Variants in BCCIP observed in about 807,000 individuals in gnomAD.
BCCIP encodes BRCA2 and CDKN1A-interacting protein.
BCCIP carries 23 observed loss-of-function variants against 32.8 expected under a neutral mutation model. The observed-to-expected ratio is 0.70, with a 90% CI of 0.51 to 0.99. BCCIP has a LOEUF of 0.99. Ranked by LOEUF, BCCIP falls within the 50% of genes least tolerant of loss-of-function variation. BCCIP has a pLI of 0.00. For synonymous variants in BCCIP, 144 were observed against 137.6 expected (o/e 1.05, Z -0.33); for missense variants, 378 against 379.8 (o/e 1.00, Z 0.04).
chr10:125,826,427 T>C (rs1357501584), intron 1 of BCCIP, 164 bp from the exon 2 acceptor site: 1 of 1,052,200 alleles, frequency 9.5e-7, no homozygotes, highest in African/African-American at 1.6e-5. Context: ...TTAAACTAGG[T>C]TACTCTGAGT....
chr10:125,829,019 T>G (rs1391391084), intron 3 of BCCIP, among the ~76,000 whole-genome samples: 1 of 152,178 alleles, frequency 6.6e-6, no homozygotes, highest in Admixed American at 6.5e-5. Flanking sequence ...AGTGATATAG[T>G]GCCATTTCCA....
chr10:125,826,258 A>T (rs1854386646), intron 1 of BCCIP: 2 of 292,124 alleles, frequency 6.8e-6, no homozygotes, highest in Non-Finnish European at 6.4e-6. Context: ...TTGCTAAGCA[A>T]ATGTAGTGTA....
Position 125,836,546 on chromosome 10 carries a change from A to G in BCCIP, c.*272A>G. ...ATAAAAACTTCTATTTTTTATTTTA[A>G]AATAATATACACAGTGTTATTTTCT... On this transcript the variant is annotated 3_prime_UTR_variant, in exon 7 of 7. Coordinates refer to ENST00000278100, the MANE Select transcript of BCCIP (RefSeq NM_078468.3). 3 of 1,333,478 alleles carry G rather than the reference A, an allele frequency of 2.2e-6. No individual in the cohort carries two copies. Among genetic ancestry groups the G allele is most frequent in the Non-Finnish European group, 3.0e-6 (3 of 1,015,946 alleles). 82.6% of individuals were successfully genotyped at this position (1,333,478 alleles called of 1,614,324 possible). A position where few individuals can be genotyped will look rare whatever the true frequency, so the allele number is the denominator to read the frequency against.
chr10:125,828,935 A>G (rs1854465436), intron 3 of BCCIP, among the ~76,000 whole-genome samples: 1 of 152,174 alleles, frequency 6.6e-6, no homozygotes, highest in South Asian at 2.1e-4. Context: ...CAGGGGCCTT[A>G]GTTCTTCTCC....
chr10:125,851,239 C>G (rs1305921017), intron 7 of BCCIP, among the ~76,000 whole-genome samples: 1 of 152,150 alleles, frequency 6.6e-6, no homozygotes, highest in Non-Finnish European at 1.5e-5. Flanking sequence ...AACAATGAGT[C>G]AGAATTAATC....
chr10:125,832,670 T>C (rs943814057), intron 5 of BCCIP, among the ~76,000 whole-genome samples: 2 of 152,130 alleles, frequency 1.3e-5, no homozygotes, highest in African/African-American at 4.8e-5. Flanking sequence ...GGTGCACGCC[T>C]GTAGTCGCAG....
intron 3 of BCCIP, among the ~76,000 whole-genome samples, chr10:125,829,030 C>T (rs1190841072): frequency 6.6e-6 from 1 of 152,176 alleles, no homozygotes; most frequent in East Asian, 1.9e-4. Context: ...GCCATTTCCA[C>T]CATTTGCTTA....
chr10:125,831,363 T>C, intron 4 of BCCIP, 57 bp from the exon 5 acceptor site: 1 of 1,540,428 alleles, frequency 6.5e-7, no homozygotes, highest in South Asian at 1.2e-5. Flanking sequence ...TACTCTCAGG[T>C]TTTGTCCTCT....
At chr10:125,834,780 C>T (rs1364800579) in intron 6 of BCCIP, among the ~76,000 whole-genome samples, 3 of 150,832 alleles carry the variant, frequency 2.0e-5, no homozygotes, top group Non-Finnish European at 4.4e-5. Flanking sequence ...CACTGCACTC[C>T]AGCCTGAGCA....
exon 7 of BCCIP, chr10:125,842,779 CAAATAAAG>C: frequency 1.1e-6 from 1 of 940,726 alleles, no homozygotes; most frequent in Non-Finnish European, 1.3e-6. Context: ...TTTCCCAGTG[CAAATAAAG>C]AAATAAAGAT....
At chr10:125,831,697 A>G (rs1335143750) in intron 5 of BCCIP, 90 bp downstream of exon 5, 2 of 1,306,888 alleles carry the variant, frequency 1.5e-6, no homozygotes, top group Non-Finnish European at 1.1e-6. Flanking sequence ...GTAGATATAG[A>G]AAGAGTTCTG....
chr10:125,823,914 C>G (rs757680758), intron 1 of BCCIP, among the ~76,000 whole-genome samples, 192 bp downstream of exon 1: 9 of 152,190 alleles, frequency 5.9e-5, no homozygotes, highest in African/African-American at 2.2e-4. Context: ...TTTTAAAGGT[C>G]TAGTCCGGTC....
At chr10:125,850,207 C>A (rs1312587964) in intron 7 of BCCIP, among the ~76,000 whole-genome samples, 1 of 151,650 alleles carries the variant, frequency 6.6e-6, no homozygotes, top group African/African-American at 2.4e-5. Flanking sequence ...GAATTCCTGG[C>A]CCTCAAGCAG....
chr10:125,845,345 A>G (rs1448832178), downstream of BCCIP, among the ~76,000 whole-genome samples: 1 of 152,242 alleles, frequency 6.6e-6, no homozygotes. Context: ...TAATCTGGCA[A>G]AAATGGCTCA....
exon 7 of BCCIP, chr10:125,842,374 C>T (rs1213480969): frequency 4.5e-5 from 7 of 154,968 alleles, no homozygotes; most frequent in African/African-American, 1.7e-4. Flanking sequence ...TAAGGAACCA[C>T]CTCAGGCCAG....
At position 125,830,662 on chromosome 10, in the gene BCCIP, C is replaced by T; in HGVS notation, c.411+11C>T. On this transcript the variant is annotated intron_variant, in intron 4 of 6. Transcript: ENST00000278100. Reference sequence around the variant, plus strand: ...TTAACTGAAAGAAAGGTTGGTTTCACTGGATGGCATCTGAATGGTTATTTC... The same window carrying T: ...TTAACTGAAAGAAAGGTTGGTTTCATTGGATGGCATCTGAATGGTTATTTC... 6.5e-7 allele frequency: 1 copy of T among 1,540,302 alleles called. No homozygotes were observed. Among genetic ancestry groups the T allele is most frequent in the Non-Finnish European group, 8.9e-7 (1 of 1,119,916 alleles).
In BCCIP at chr10:125,830,397, CTG is replaced by C. The variant is rs1321033662; in HGVS notation, c.322-162_322-161del. On this transcript the variant is annotated intron_variant, in intron 3 of 6. Transcript: ENST00000278100. ...GCTTTCCAAGATGATGGTGGTAAAA[CTG>C]TGACAGTATTTAAAATACAATGCTT... Among the ~76,000 whole-genome samples the C allele has an allele frequency of 2.6e-5, 4 of 152,134 alleles. No individual in the cohort carries two copies. The South Asian group carries it at 6.2e-4, about 24-fold the overall frequency.
In BCCIP at chr10:125,831,276, C is replaced by T. The variant is rs572999634; in HGVS notation, c.412-144C>T. The T allele has an allele frequency of 2.6e-5, 18 of 690,320 alleles. No homozygotes were observed. In the East Asian group the frequency reaches 4.5e-4, roughly 17 times the overall value. 42.8% of individuals were successfully genotyped at this position (690,320 alleles called of 1,614,324 possible). On this transcript the variant is annotated intron_variant, in intron 4 of 6. Transcript: ENST00000278100. The stretch of plus-strand genomic sequence containing the variant: ...TACTTTTGAGAAATGCTTAAGCAGT[C>T]AACACTGAAGACATACAAGACGTTA...
At chr10:125,835,590 AC>A (rs767398544) in intron 6 of BCCIP, among the ~76,000 whole-genome samples, 2,367 of 122,518 alleles carry the variant, frequency 0.019, 28 homozygotes, top group South Asian at 0.043. Flanking sequence ...AAAAAAAAAA[AC>A]AAACAAACAA....
Sources: gnomAD v4.1 joint callset for allele counts (sites outside exome capture counted in the v4.1 genomes callset) on GRCh38, gnomAD v4.1.1 for gene constraint, MANE v1.5 for transcripts, NCBI Gene and HGNC (gene_info 2026-07-23, HGNC 2026-07-21) for gene names.